Variants in RFTN1 observed in about 807,000 individuals in gnomAD.
RFTN1 encodes the protein raftlin.
Under a neutral mutation model 46.5 loss-of-function variants are expected in RFTN1, and 26 were observed. That is an observed-to-expected ratio of 0.56 (90% CI 0.41 to 0.78). The LOEUF (loss-of-function observed/expected upper bound fraction) is 0.78. Among genes scored for constraint, RFTN1 ranks in the 30% least tolerant of loss-of-function variants. RFTN1 has a pLI of 0.00. For missense variants in RFTN1, 693 were observed against 718.7 expected (o/e 0.96, Z 0.41); for synonymous variants, 261 against 284.2 (o/e 0.92, Z 0.82).
Position 16,479,325 on chromosome 3 carries a change from G to A in RFTN1, c.145+14400C>T, listed in dbSNP as rs1187197432. 6.6e-6 allele frequency among the ~76,000 whole-genome samples: 1 copy of A among 152,162 alleles called. No individual in the cohort carries two copies. The highest frequency in any genetic ancestry group is 1.9e-4 in the East Asian group (1 of 5,196). On this transcript the variant is annotated intron_variant, in intron 2 of 9. Transcript: ENST00000334133. This position sits in a 1 kb window ranked among gnomAD's most constrained non-coding sequence, Gnocchi z 5.1. ...ATTTTCTTGGTTTTTAGTTGTTTTA[G>A]GCTAATTCATTAAATGAAGTCCACA... is the stretch of plus-strand genomic sequence containing the variant.
chr3:16,395,530 C>T (rs62236302), intron 4 of RFTN1, among the ~76,000 whole-genome samples: 11,223 of 151,790 alleles, frequency 0.074, 558 homozygotes, highest in Middle Eastern at 0.14. Flanking sequence ...ACTGTAACTT[C>T]GAACTCCTGG....
Position 16,317,161 on chromosome 3 carries a change from G to A in RFTN1, c.1404C>T (p.Ala468=). ...QMRKSKGKLS[A]RDKQQAEENE... Reference sequence around the variant, plus strand: ...TTTCTTCTGCTTGTTGTTTGTCTCTGGCACTGAGTTTACCTTTTGATTTCC... The same window carrying A: ...TTTCTTCTGCTTGTTGTTTGTCTCTAGCACTGAGTTTACCTTTTGATTTCC... Residue 468 remains alanine (A), a synonymous_variant, in exon 10 of 10, where the codon GCC becomes GCT. Transcript: ENST00000334133. The surrounding 1 kb of genome is among the most constrained non-coding windows in gnomAD (Gnocchi z 4.3). 1 of 1,613,486 alleles carries A rather than the reference G, an allele frequency of 6.2e-7. No individual in the cohort carries two copies. The highest frequency in any genetic ancestry group is 8.5e-7 in the Non-Finnish European group (1 of 1,179,952).
chr3:16,343,151 TTTTAA>T (rs1216138034), intron 7 of RFTN1, among the ~76,000 whole-genome samples: 1 of 152,170 alleles, frequency 6.6e-6, no homozygotes, highest in Non-Finnish European at 1.5e-5. Flanking sequence ...GAATGTGAAT[TTTTAA>T]TAAGTCCTCA....
chr3:16,467,486 C>T (rs1294419403), intron 2 of RFTN1, among the ~76,000 whole-genome samples: 2 of 152,260 alleles, frequency 1.3e-5, no homozygotes, highest in African/African-American at 4.8e-5. Flanking sequence ...CTCATCTCTA[C>T]TGGATCCAGA....
rs1391423870 is a variant in RFTN1 at position 16,442,787 on chromosome 3, T to G, written c.146-8750A>C. On this transcript the variant is annotated intron_variant, in intron 2 of 9. Coordinates refer to ENST00000334133, the MANE Select transcript of RFTN1 (RefSeq NM_015150.2). The surrounding 1 kb of genome is among the most constrained non-coding windows in gnomAD (Gnocchi z 4.1). ...AGTTCTACTCTCTGTTTCTGTGTATTTGATTTTTAGTTTAAGATTGCACAT... is the reference window on the plus strand; with the variant it reads ...AGTTCTACTCTCTGTTTCTGTGTATGTGATTTTTAGTTTAAGATTGCACAT... Among the ~76,000 whole-genome samples, 1 of 152,216 alleles carries G rather than the reference T, an allele frequency of 6.6e-6. No individual in the cohort carries two copies. Among genetic ancestry groups the G allele is most frequent in the Non-Finnish European group, 1.5e-5 (1 of 68,032 alleles).
intron 7 of RFTN1, among the ~76,000 whole-genome samples, chr3:16,330,601 C>T (rs2070214039): frequency 6.6e-6 from 1 of 152,212 alleles, no homozygotes; most frequent in African/African-American, 2.4e-5. Context: ...ACTCTCCACT[C>T]TCCTGTGGTG....
At chr3:16,487,059 C>A (rs1447917147) in intron 2 of RFTN1, among the ~76,000 whole-genome samples, 2 of 152,222 alleles carry the variant, frequency 1.3e-5, no homozygotes, top group Non-Finnish European at 2.9e-5. Context: ...GAGCCCTGAC[C>A]AGAACCCAAC....
chr3:16,327,630 G>A lies in RFTN1; in HGVS notation c.1147-754C>T, dbSNP rs567299493. ...AAAAAAATTAGCCAGGCCTGGTGGC[G>A]GGCGCCTGTAGTCCCAGCTACTCGG... On this transcript the variant is annotated intron_variant, in intron 7 of 9. Transcript: ENST00000334133. The surrounding 1 kb of genome is among the most constrained non-coding windows in gnomAD (Gnocchi z 4.2). Among the ~76,000 whole-genome samples, 5 of 152,060 alleles carry A rather than the reference G, an allele frequency of 3.3e-5. No homozygotes were observed. Among genetic ancestry groups the A allele is most frequent in the East Asian group, 1.9e-4 (1 of 5,162 alleles).
At chr3:16,340,279 G>C (rs1228122658) in intron 7 of RFTN1, among the ~76,000 whole-genome samples, 2 of 152,236 alleles carry the variant, frequency 1.3e-5, no homozygotes, top group African/African-American at 4.8e-5. Context: ...CATGAAATAA[G>C]CTAGCACATT....
rs9842188 is a variant in RFTN1 at position 16,500,133 on chromosome 3, T to C, written c.-8-6256A>G. ...GTTGCTTGTTTTTGTAAAAAACACA[T>C]GCTAAAAGTCACCTGTGTCTAGTGA... On this transcript the variant is annotated intron_variant, in intron 1 of 9. Transcript: ENST00000334133. The surrounding 1 kb of genome is among the most constrained non-coding windows in gnomAD (Gnocchi z 5.9). Among the ~76,000 whole-genome samples the C allele has an allele frequency of 0.53, 80,354 of 151,994 alleles. 21,686 individuals are homozygous for C. The highest frequency in any genetic ancestry group is 0.62 in the African/African-American group (25,757 of 41,444).
intron 6 of RFTN1, among the ~76,000 whole-genome samples, chr3:16,365,134 G>A (rs1006087607): frequency 6.6e-6 from 1 of 152,186 alleles, no homozygotes; most frequent in Admixed American, 6.5e-5. Context: ...TGAAATAGAA[G>A]CCCTGCCTGT....
Position 16,480,621 on chromosome 3 carries a change from T to A in RFTN1, c.145+13104A>T, listed in dbSNP as rs554298570. On this transcript the variant is annotated intron_variant, in intron 2 of 9. Transcript: ENST00000334133. This position sits in a 1 kb window ranked among gnomAD's most constrained non-coding sequence, Gnocchi z 4.3. ...CCTACCTTTTCACACCAGATTTGCT[T>A]TTGAAAATATTTCGTAGATAAAATT... Among the ~76,000 whole-genome samples the A allele has an allele frequency of 2.4e-4, 36 of 152,296 alleles. No homozygotes were observed. The highest frequency in any genetic ancestry group is 8.7e-4 in the African/African-American group (36 of 41,564).
chr3:16,503,430 T>C (rs1015290793), intron 1 of RFTN1, among the ~76,000 whole-genome samples: 2 of 152,190 alleles, frequency 1.3e-5, no homozygotes, highest in South Asian at 4.1e-4. Context: ...GGAGAGCTGT[T>C]AAAAGCCCTG....
chr3:16,457,760 A>G lies in RFTN1; in HGVS notation c.146-23723T>C, dbSNP rs1352201008. 2.0e-5 allele frequency among the ~76,000 whole-genome samples: 3 copies of G among 152,208 alleles called. No individual in the cohort carries two copies. Among genetic ancestry groups the G allele is most frequent in the African/African-American group, 7.2e-5 (3 of 41,454 alleles). On this transcript the variant is annotated intron_variant, in intron 2 of 9. Coordinates refer to ENST00000334133, the MANE Select transcript of RFTN1 (RefSeq NM_015150.2). This position sits in a 1 kb window ranked among gnomAD's most constrained non-coding sequence, Gnocchi z 4.2. ...CTTTTTACCATTAAGACTTAATTCG[A>G]TAGACATGGCTGTGGTCTGAATGTG...
chr3:16,334,354 A>G lies in RFTN1; in HGVS notation c.1147-7478T>C, dbSNP rs1387465211. ...CAACCCTCCTGGAGAACAGTTTGAC[A>G]GTATCTTTCAAAATTACAAACACAT... is the stretch of plus-strand genomic sequence containing the variant. On this transcript the variant is annotated intron_variant, in intron 7 of 9. Coordinates refer to ENST00000334133, the MANE Select transcript of RFTN1 (RefSeq NM_015150.2). This position sits in a 1 kb window ranked among gnomAD's most constrained non-coding sequence, Gnocchi z 4.3. 2.0e-5 allele frequency among the ~76,000 whole-genome samples: 3 copies of G among 152,328 alleles called. No individual in the cohort carries two copies. Among genetic ancestry groups the G allele is most frequent in the South Asian group, 4.1e-4 (2 of 4,824 alleles).
rs2076759959 is a variant in RFTN1, at chr3:16,504,083, G to C, written c.-9+9359C>G. On this transcript the variant is annotated intron_variant, in intron 1 of 9. Transcript: ENST00000334133. The surrounding 1 kb of genome is among the most constrained non-coding windows in gnomAD (Gnocchi z 4.4). ...GATTCTGAGGATTTCTCCGTTCACA[G>C]TGCCCTTAGTTTCTCTGTACATTTT... 6.6e-6 allele frequency among the ~76,000 whole-genome samples: 1 copy of C among 152,022 alleles called. No homozygotes were observed. Among genetic ancestry groups the C allele is most frequent in the Non-Finnish European group, 1.5e-5 (1 of 68,014 alleles).
intron 3 of RFTN1, among the ~76,000 whole-genome samples, chr3:16,415,251 C>T (rs1187521486): frequency 1.3e-5 from 2 of 151,748 alleles, no homozygotes; most frequent in Admixed American, 6.6e-5. Context: ...GGATCTTTGC[C>T]TTAGCAACTG....
rs1057382224 is a variant in RFTN1 at position 16,418,776 on chromosome 3, A to G, written c.333-9293T>C. On this transcript the variant is annotated intron_variant, in intron 3 of 9. Coordinates refer to ENST00000334133, the MANE Select transcript of RFTN1 (RefSeq NM_015150.2). This position sits in a 1 kb window ranked among gnomAD's most constrained non-coding sequence, Gnocchi z 5.0. Reference sequence around the variant, plus strand: ...AAAGAAAGCTATTCCTAGTTTCATTAACTTACGTATAACTAATGACAATAA... The same window carrying G: ...AAAGAAAGCTATTCCTAGTTTCATTGACTTACGTATAACTAATGACAATAA... Among the ~76,000 whole-genome samples the G allele has an allele frequency of 2.6e-5, 4 of 152,190 alleles. No individual in the cohort carries two copies. The highest frequency in any genetic ancestry group is 1.9e-4 in the East Asian group (1 of 5,200).
intron 6 of RFTN1, 112 bp downstream of exon 6, chr3:16,369,964 A>G (rs1214816671): frequency 1.6e-5 from 16 of 985,304 alleles, no homozygotes; most frequent in African/African-American, 3.2e-5. Flanking sequence ...CAGCATGGTT[A>G]TCGGCTGCAG....
Sources: gnomAD v4.1 joint callset for allele counts (sites outside exome capture counted in the v4.1 genomes callset) on GRCh38, gnomAD v4.1.1 for gene constraint, Gnocchi (gnomAD v3.1) non-coding constraint, MANE v1.5 for transcripts, NCBI Gene and HGNC (gene_info 2026-07-23, HGNC 2026-07-21) for gene names.